Variants in IFT140 observed in about 807,000 individuals in gnomAD.
IFT140 encodes intraflagellar transport protein 140 homolog.
In IFT140, 133 loss-of-function variants were observed where a neutral mutation model predicts 164.6. The observed-to-expected ratio is 0.81, with a 90% confidence interval of 0.70 to 0.93. IFT140 has a LOEUF of 0.93. Ranked by LOEUF, IFT140 falls within the 40% of genes least tolerant of loss-of-function variation. The pLI is 0.00. For missense variants in IFT140, 2,045 were observed against 1,972.3 expected (o/e 1.04, Z -0.70); for synonymous variants, 860 against 817.3 (o/e 1.05, Z -0.89).
chr16:1,543,843 C>T (rs2031892076), intron 19 of IFT140, among the ~76,000 whole-genome samples: 1 of 152,042 alleles, frequency 6.6e-6, no homozygotes, highest in African/African-American at 2.4e-5. Flanking sequence ...ATCTCTACCG[C>T]GTGCAGGAAT....
At chr16:1,516,462 T>C (rs948314472) in intron 30 of IFT140, among the ~76,000 whole-genome samples, 2 of 151,888 alleles carry the variant, frequency 1.3e-5, no homozygotes, top group African/African-American at 4.8e-5. Context: ...ATAGCTAAAA[T>C]GAAATTATAA....
intron 13 of IFT140, among the ~76,000 whole-genome samples, chr16:1,575,179 T>C (rs1191836807): frequency 5.5e-5 from 8 of 146,324 alleles, no homozygotes; most frequent in Non-Finnish European, 7.5e-5. Flanking sequence ...CTGGGCAACA[T>C]AGTGAGACCC....
chr16:1,539,528 C>T (rs1037393760), intron 19 of IFT140, among the ~76,000 whole-genome samples: 7 of 152,274 alleles, frequency 4.6e-5, no homozygotes, highest in South Asian at 2.1e-4. Context: ...TCCCGCTGTC[C>T]GTACGGGAAC....
At chr16:1,563,453 C>T (rs1239086763) in intron 17 of IFT140, among the ~76,000 whole-genome samples, 1 of 150,774 alleles carries the variant, frequency 6.6e-6, no homozygotes, top group Non-Finnish European at 1.5e-5. Flanking sequence ...ACTCAAAAAA[C>T]AAACAAAACA....
At chr16:1,539,325 C>A (rs1236121114) in intron 19 of IFT140, among the ~76,000 whole-genome samples, 1 of 151,830 alleles carries the variant, frequency 6.6e-6, no homozygotes, top group East Asian at 1.9e-4. Context: ...TGGGCCTCAG[C>A]AAGCCACATG....
chr16:1,523,525 G>T lies in IFT140; in HGVS notation c.3446C>A (p.Ala1149Asp). 1 of 1,610,664 alleles carries T rather than the reference G, an allele frequency of 6.2e-7. No homozygotes were observed. Residue 1149 changes from alanine to aspartate, a missense_variant, in exon 26 of 31, where the codon GCC (alanine) becomes GAC (aspartate). By Grantham distance (126) the Ala-to-Asp change is moderately radical. Coordinates refer to ENST00000426508, the MANE Select transcript of IFT140 (RefSeq NM_014714.4). ...YERAVELLLA[A>D]RKYQEALQLC... ...GCCCCGCTGGCCCCGTACCTTCCTG[G>T]CAGCCAGCAGCAGCTCTACCGCCCT... is the stretch of plus-strand genomic sequence containing the variant.
intron 13 of IFT140, among the ~76,000 whole-genome samples, chr16:1,573,544 G>A (rs1256147028): frequency 1.3e-5 from 2 of 152,070 alleles, no homozygotes; most frequent in East Asian, 3.8e-4. Context: ...CTTGCATCCT[G>A]CCCTGCCCCC....
chr16:1,587,169 T>C (rs1474202188), intron 9 of IFT140, 29 bp downstream of exon 9: 1 of 1,418,606 alleles, frequency 7.0e-7, no homozygotes, highest in African/African-American at 1.4e-5. Context: ...TTGGTTCTGT[T>C]TCTCTTGTGC....
intron 19 of IFT140, 109 bp from the exon 20 acceptor site, chr16:1,526,905 G>A: frequency 1.6e-6 from 2 of 1,232,078 alleles, no homozygotes; most frequent in Non-Finnish European, 2.2e-6. Context: ...CTGCCAAACG[G>A]GCATGAGGAG....
intron 10 of IFT140, among the ~76,000 whole-genome samples, chr16:1,585,649 T>C (rs1470841193): frequency 1.3e-5 from 2 of 152,176 alleles, no homozygotes; most frequent in Admixed American, 6.6e-5. Flanking sequence ...CAATCTCTTA[T>C]CTGCAATTCT....
intron 4 of IFT140, among the ~76,000 whole-genome samples, chr16:1,598,364 A>C (rs909891216): frequency 2.6e-5 from 4 of 152,162 alleles, no homozygotes; most frequent in Admixed American, 2.6e-4. Flanking sequence ...AGGCTGAGGC[A>C]GGAGAATGGC....
intron 22 of IFT140, 119 bp downstream of exon 22, chr16:1,525,112 G>A: frequency 8.6e-7 from 1 of 1,167,206 alleles, no homozygotes; most frequent in Non-Finnish European, 1.2e-6. Context: ...GAGGAGCCGG[G>A]AGGACGCTGC....
At chr16:1,557,749 G>C in intron 19 of IFT140, 186 bp downstream of exon 19, 3 of 625,934 alleles carry the variant, frequency 4.8e-6, no homozygotes, top group East Asian at 2.7e-5. Context: ...GAGAGGCTGA[G>C]AGCTTCCCAC....
intron 3 of IFT140, chr16:1,604,353 CTT>C (rs2142065382): frequency 6.7e-6 from 1 of 149,576 alleles, no homozygotes; most frequent in Non-Finnish European, 1.5e-5. Context: ...CACTTAGCCA[CTT>C]TCACCTGAAG....
chr16:1,570,300 T>A (rs746873806), intron 14 of IFT140, among the ~76,000 whole-genome samples: 1 of 152,182 alleles, frequency 6.6e-6, no homozygotes, highest in African/African-American at 2.4e-5. Flanking sequence ...AACGGGTACA[T>A]TGATACAGAC....
At chr16:1,522,657 G>C (rs935256449) in intron 26 of IFT140, among the ~76,000 whole-genome samples, 2 of 152,150 alleles carry the variant, frequency 1.3e-5, no homozygotes, top group African/African-American at 4.8e-5. Context: ...TGGCCAACGT[G>C]GTGGAACCCC....
chr16:1,550,194 C>T (rs1783147576), intron 19 of IFT140, among the ~76,000 whole-genome samples: 1 of 152,122 alleles, frequency 6.6e-6, no homozygotes, highest in Non-Finnish European at 1.5e-5. Context: ...TCCACCTTGG[C>T]CTTCCAAAGT....
chr16:1,526,186 A>G, intron 20 of IFT140, 109 bp from the exon 21 acceptor site: 1 of 1,046,696 alleles, frequency 9.6e-7, no homozygotes, highest in South Asian at 1.6e-5. Context: ...ACCGCCAAGC[A>G]CACTGACACA....
At chr16:1,569,073 C>T (rs9927187) in intron 14 of IFT140, among the ~76,000 whole-genome samples, 27,408 of 149,006 alleles carry the variant, frequency 0.18, 3,261 homozygotes, top group African/African-American at 0.33. Flanking sequence ...GGCGCCATCT[C>T]GGCTCACTGC....
Sources: gnomAD v4.1 joint callset for allele counts (sites outside exome capture counted in the v4.1 genomes callset) on GRCh38, gnomAD v4.1.1 for gene constraint, MANE v1.5 for transcripts, NCBI Gene and HGNC (gene_info 2026-07-23, HGNC 2026-07-21) for gene names.